The following FER variants were observed in gnomAD, a reference collection of about 807,000 sequenced individuals.
The protein encoded by FER is FER tyrosine kinase, also known as tyrosine-protein kinase Fer.
FER carries 63 observed loss-of-function variants against 111.0 expected under a neutral mutation model. The observed-to-expected ratio is 0.57, with a 90% CI of 0.46 to 0.70. FER has a LOEUF of 0.70. Ranked by LOEUF, FER falls within the 30% of genes least tolerant of loss-of-function variation. The probability of loss-of-function intolerance (pLI) is 0.00; values close to 1 mark genes in which losing one functional copy is unlikely to be tolerated. For synonymous variants in FER, 327 were observed against 313.9 expected (o/e 1.04, Z -0.44); for missense variants, 914 against 954.0 (o/e 0.96, Z 0.55).
intron 13 of FER, 25 bp downstream of exon 13, chr5:108,959,372 CT>C (rs1758857711): frequency 4.5e-6 from 7 of 1,560,786 alleles, no homozygotes; most frequent in East Asian, 4.6e-5. Flanking sequence ...ACTTTTTTGT[CT>C]GTTTGTTTTA....
chr5:109,002,224 AC>A (rs1434969734), intron 13 of FER, among the ~76,000 whole-genome samples: 1 of 151,978 alleles, frequency 6.6e-6, no homozygotes, highest in Non-Finnish European at 1.5e-5. Context: ...TTCAAACTAT[AC>A]TACAAGGCTA....
chr5:109,106,641 G>T lies in FER; in HGVS notation c.2048+6122G>T, dbSNP rs569071554. Among the ~76,000 whole-genome samples the T allele has an allele frequency of 2.0e-5, 3 of 152,074 alleles. No individual in the cohort carries two copies. The East Asian group carries it at 5.8e-4, about 29-fold the overall frequency. ...TAACCCTTTTTTCCTGTTACAAATT[G>T]GTATTTGTATATGCAGTGCAATTAT... On this transcript the variant is annotated intron_variant, in intron 17 of 19. Transcript: ENST00000281092.
chr5:108,992,988 G>A (rs533979216), intron 13 of FER, among the ~76,000 whole-genome samples: 2 of 150,728 alleles, frequency 1.3e-5, no homozygotes, highest in Non-Finnish European at 3.0e-5. Context: ...GATGGCGGCC[G>A]GGAAGAGGCG....
At chr5:109,023,810 T>C (rs1768277638) in intron 13 of FER, among the ~76,000 whole-genome samples, 1 of 152,120 alleles carries the variant, frequency 6.6e-6, no homozygotes. Context: ...AATGAATGAA[T>C]GAGCAGTTGT....
intron 16 of FER, among the ~76,000 whole-genome samples, chr5:109,052,609 T>A (rs1005418946): frequency 1.3e-5 from 2 of 152,220 alleles, no homozygotes; most frequent in African/African-American, 4.8e-5. Context: ...GTTACTTTCC[T>A]CACACCTTCC....
rs1182060181 is a variant in FER, at chr5:109,192,256, G to T, written c.*4681G>T. ...GGAACCAGTTATTCCAAGGCAGGAT[G>T]ATGCACCCCCACACAGAGTGTGGAA... On this transcript the variant is annotated 3_prime_UTR_variant, in exon 20 of 20. Coordinates refer to ENST00000281092, the MANE Select transcript of FER (RefSeq NM_005246.4). 2 of 152,234 alleles carry T rather than the reference G, an allele frequency of 1.3e-5. No homozygotes were observed. The highest frequency in any genetic ancestry group is 4.8e-5 in the African/African-American group (2 of 41,454). The allele number at this position is 152,234 out of a possible 1,614,324, so 9.4% of individuals were successfully genotyped here.
At chr5:108,918,553 C>A (rs980009992) in intron 10 of FER, among the ~76,000 whole-genome samples, 15 of 148,512 alleles carry the variant, frequency 1.0e-4, no homozygotes, top group African/African-American at 3.5e-4. Context: ...GTGGTGCGAT[C>A]TCTGCTCACT....
At position 108,864,294 on chromosome 5, in the gene FER, A is replaced by G. The variant is rs1763815075; in HGVS notation, c.482-3473A>G. Among the ~76,000 whole-genome samples, 2 of 152,190 alleles carry G rather than the reference A, an allele frequency of 1.3e-5. 1 individual carries two copies. The highest frequency in any genetic ancestry group is 4.1e-4 in the South Asian group (2 of 4,830). On this transcript the variant is annotated intron_variant, in intron 5 of 19. Transcript: ENST00000281092. ...CAGAAGGTTTGTTTCTGTTTATACG[A>G]TGTGGATGTAGTTCCTGAGCATCAG...
chr5:108,859,864 A>G (rs2150211152), intron 5 of FER, among the ~76,000 whole-genome samples: 1 of 151,740 alleles, frequency 6.6e-6, no homozygotes, highest in Admixed American at 6.6e-5. Flanking sequence ...GTTTCTTGAT[A>G]AATCAAATTT....
intron 9 of FER, chr5:108,894,572 C>G (rs779463214): frequency 2.4e-6 from 1 of 410,462 alleles, no homozygotes; most frequent in Non-Finnish European, 4.8e-6. Flanking sequence ...TCAGGTCATT[C>G]TTGAGTTCCA....
chr5:109,011,461 C>G (rs1316709035), intron 13 of FER, among the ~76,000 whole-genome samples: 2 of 151,974 alleles, frequency 1.3e-5, no homozygotes, highest in Admixed American at 1.3e-4. Flanking sequence ...GCTCAGTTAC[C>G]TTTCTACCTC....
chr5:108,784,719 G>GGAAACAAAGGGATGGGCT (rs931628732), intron 2 of FER, among the ~76,000 whole-genome samples: 4 of 152,204 alleles, frequency 2.6e-5, no homozygotes, highest in Non-Finnish European at 5.9e-5. Context: ...ATTCCTTACG[G>GGAAACAAAGGGATGGGCT]GAAACAAAGG....
intron 16 of FER, among the ~76,000 whole-genome samples, chr5:109,057,880 G>T (rs1295644739): frequency 6.6e-6 from 1 of 152,126 alleles, no homozygotes; most frequent in African/African-American, 2.4e-5. Context: ...ATTATTTGAG[G>T]CCAGCATTAC....
chr5:108,866,471 A>G (rs745590316), intron 5 of FER, among the ~76,000 whole-genome samples: 4 of 152,116 alleles, frequency 2.6e-5, no homozygotes, highest in African/African-American at 4.8e-5. Flanking sequence ...GCCTTAGGAG[A>G]TATACCTAAT....
intron 17 of FER, among the ~76,000 whole-genome samples, chr5:109,117,916 G>A (rs150867575): frequency 0.042 from 6,314 of 151,858 alleles, 165 homozygotes; most frequent in South Asian, 0.082. Context: ...GGGGTGAGAC[G>A]ATGGGGTTTT....
chr5:108,845,015 T>TATATATAC (rs1262145261), intron 5 of FER, among the ~76,000 whole-genome samples: 20 of 52,562 alleles, frequency 3.8e-4, no homozygotes, highest in Non-Finnish European at 7.5e-4. Flanking sequence ...TATATATATA[T>TATATATAC]ATATATATAT....
intron 11 of FER, among the ~76,000 whole-genome samples, chr5:108,949,603 T>G (rs1757455359): frequency 6.6e-6 from 1 of 152,116 alleles, no homozygotes; most frequent in African/African-American, 2.4e-5. Flanking sequence ...GCTGAAATGC[T>G]TAAAACAGAT....
intron 5 of FER, among the ~76,000 whole-genome samples, chr5:108,855,786 CAAGAG>C (rs985738661): frequency 6.6e-6 from 1 of 151,796 alleles, no homozygotes; most frequent in African/African-American, 2.4e-5. Flanking sequence ...GTGATTTTGA[CAAGAG>C]AAGTTTCAGT....
chr5:108,990,006 G>GTAC (rs1004691516), intron 13 of FER, among the ~76,000 whole-genome samples: 2 of 151,764 alleles, frequency 1.3e-5, no homozygotes, highest in Non-Finnish European at 2.9e-5. Context: ...CTAGTGCCTT[G>GTAC]TACTTACTAG....
Sources: gnomAD v4.1 joint callset for allele counts (sites outside exome capture counted in the v4.1 genomes callset) on GRCh38, gnomAD v4.1.1 for gene constraint, MANE v1.5 for transcripts, NCBI Gene and HGNC (gene_info 2026-07-23, HGNC 2026-07-21) for gene names.